PGAP1: variants seen among roughly 807,000 people sequenced by gnomAD.
The protein encoded by PGAP1 is post-GPI attachment to proteins inositol deacylase 1.
In PGAP1, 76 loss-of-function variants were observed where a neutral mutation model predicts 127.0. The ratio of observed to expected loss-of-function variants is 0.60; its 90% CI spans 0.50 to 0.72. The LOEUF is 0.72. Ranked by LOEUF, PGAP1 falls within the 30% of genes least tolerant of loss-of-function variation. The pLI is 0.00. For missense variants in PGAP1, 982 were observed against 1,071.3 expected (o/e 0.92, Z 1.16); for synonymous variants, 362 against 366.5 (o/e 0.99, Z 0.14).
At position 196,845,888 on chromosome 2, in the gene PGAP1, C is replaced by A. The variant is rs771141981; in HGVS notation, c.2280G>T (p.Val760=). The change falls in exon 23 of 27, where the codon GTG becomes GTT. Residue 760 remains valine (V), a synonymous_variant. Transcript: ENST00000354764. Reference sequence around the variant, plus strand: ...CTTTACTGATTTGACATACCTTAAACACATAGTAAAGATAAGAAAGAAGTA... The same window carrying A: ...CTTTACTGATTTGACATACCTTAAAAACATAGTAAAGATAAGAAAGAAGTA... ...LAILLSYLYY[V]FKVVHLQASL... is the part of the protein sequence containing the mutation. The A allele has an allele frequency of 6.2e-7, 1 of 1,605,216 alleles. No homozygotes were observed. The highest frequency in any genetic ancestry group is 8.5e-7 in the Non-Finnish European group (1 of 1,175,002).
chr2:196,893,813 T>C (rs1322313447), intron 7 of PGAP1, among the ~76,000 whole-genome samples: 1 of 152,228 alleles, frequency 6.6e-6, no homozygotes, highest in Non-Finnish European at 1.5e-5. Flanking sequence ...AATAAAAAGT[T>C]GGCAACTTTA....
chr2:196,916,118 G>T (rs1702999006), intron 3 of PGAP1, among the ~76,000 whole-genome samples: 1 of 152,118 alleles, frequency 6.6e-6, no homozygotes, highest in South Asian at 2.1e-4. Flanking sequence ...CAGTTACTTA[G>T]TCATAGCTAG....
chr2:196,872,532 T>G lies in PGAP1; in HGVS notation c.1637A>C (p.Glu546Ala), dbSNP rs745546693. 2 of 1,611,754 alleles carry G rather than the reference T, an allele frequency of 1.2e-6. No individual in the cohort carries two copies. Among genetic ancestry groups the G allele is most frequent in the Admixed American group, 3.3e-5 (2 of 59,994 alleles). Residue 546 changes from glutamate (E) to alanine (A), a missense_variant, in exon 18 of 27, where the codon GAA becomes GCA. By Grantham distance (107) the Glu-to-Ala change is moderately radical. Coordinates refer to ENST00000354764, the MANE Select transcript of PGAP1 (RefSeq NM_024989.4). ...LTIAQAPSST[E>A]ISLKLHIAQP... The stretch of plus-strand genomic sequence containing the variant: ...AGCAATATGGAGTTTCAGAGAAATT[T>G]CTGTGGAAGATGGAGCCCTGAAGAG...
intron 13 of PGAP1, among the ~76,000 whole-genome samples, chr2:196,878,103 C>G (rs1052282748): frequency 6.6e-6 from 1 of 152,046 alleles, no homozygotes; most frequent in African/African-American, 2.4e-5. Context: ...TTCTTACCCA[C>G]TAATTCTATC....
Position 196,835,795 on chromosome 2 carries a change from G to T in PGAP1, c.*5439C>A, listed in dbSNP as rs1035387188. 1 of 152,342 alleles carries T rather than the reference G, an allele frequency of 6.6e-6. No individual in the cohort carries two copies. Among genetic ancestry groups the T allele is most frequent in the African/African-American group, 2.4e-5 (1 of 41,412 alleles). 9.4% of individuals were successfully genotyped at this position (152,342 alleles called of 1,614,324 possible). ...CCAATGCACAGCTTTATGCTAAAGA[G>T]AATTCAAATGTGTCTCTTTTTTTTG... On this transcript the variant is annotated 3_prime_UTR_variant, in exon 27 of 27. Coordinates refer to ENST00000354764, the MANE Select transcript of PGAP1 (RefSeq NM_024989.4).
At chr2:196,854,460 T>C (rs4402783) in intron 20 of PGAP1, among the ~76,000 whole-genome samples, 15,594 of 152,260 alleles carry the variant, frequency 0.1, 961 homozygotes, top group African/African-American at 0.17. Flanking sequence ...TTTGGCTATG[T>C]TAAATCTTCT....
chr2:196,837,261 G>A lies in PGAP1; in HGVS notation c.*3973C>T, dbSNP rs1700263368. The A allele has an allele frequency of 6.6e-6, 1 of 152,060 alleles. No homozygotes were observed. Among genetic ancestry groups the A allele is most frequent in the African/African-American group, 2.4e-5 (1 of 41,392 alleles). 9.4% of individuals were successfully genotyped at this position (152,060 alleles called of 1,614,324 possible). A position where few individuals can be genotyped will look rare whatever the true frequency, so the allele number is the denominator to read the frequency against. ...ATTTTACCACCTTTTATTTCCCTTG[G>A]CCACAAAGGGTGCTAATAAACAGCA... On this transcript the variant is annotated 3_prime_UTR_variant, in exon 27 of 27. Coordinates refer to ENST00000354764, the MANE Select transcript of PGAP1 (RefSeq NM_024989.4).
chr2:196,857,137 C>T (rs570347558), intron 20 of PGAP1, among the ~76,000 whole-genome samples: 1 of 152,258 alleles, frequency 6.6e-6, no homozygotes, highest in Non-Finnish European at 1.5e-5. Flanking sequence ...GACTCTATAC[C>T]TAGAAAACCC....
chr2:196,881,174 T>G (rs1335765150), intron 12 of PGAP1, among the ~76,000 whole-genome samples: 2 of 152,206 alleles, frequency 1.3e-5, no homozygotes. Context: ...TCCAGTTCCA[T>G]CCATGTTACT....
intron 1 of PGAP1, among the ~76,000 whole-genome samples, chr2:196,923,965 G>A (rs115650745): frequency 3.9e-4 from 60 of 152,304 alleles, no homozygotes; most frequent in Admixed American, 1.8e-3. Flanking sequence ...CCTTGCTGTC[G>A]TAATAGGGCA....
Position 196,875,830 on chromosome 2 carries a change from TA to T in PGAP1, c.1351-10del, listed in dbSNP as rs771142011. On this transcript the variant is annotated splice_polypyrimidine_tract_variant and intron_variant, in intron 13 of 26. Transcript: ENST00000354764. The stretch of plus-strand genomic sequence containing the variant: ...TCACAATCTACAACAAACTGAAATA[TA>T]AAACATTGATTTATTAGAAAAAGTA... 2 of 1,317,132 alleles carry T rather than the reference TA, an allele frequency of 1.5e-6. No homozygotes were observed. Among genetic ancestry groups the T allele is most frequent in the Non-Finnish European group, 2.2e-6 (2 of 923,058 alleles). The allele number at this position is 1,317,132 out of a possible 1,614,324, so 81.6% of individuals were successfully genotyped here. A position where few individuals can be genotyped will look rare whatever the true frequency, so the allele number is the denominator to read the frequency against.
intron 20 of PGAP1, among the ~76,000 whole-genome samples, chr2:196,863,875 C>A (rs1032236882): frequency 3.3e-5 from 5 of 151,758 alleles, no homozygotes; most frequent in Non-Finnish European, 5.9e-5. Context: ...CAGTGCCCTG[C>A]CAGGATGACT....
At chr2:196,853,700 A>C (rs1700787378) in intron 20 of PGAP1, among the ~76,000 whole-genome samples, 1 of 152,178 alleles carries the variant, frequency 6.6e-6, no homozygotes. Context: ...TTATAGGATA[A>C]TTTCCTGTGT....
At chr2:196,899,798 C>G (rs984088131) in intron 5 of PGAP1, among the ~76,000 whole-genome samples, 2 of 152,062 alleles carry the variant, frequency 1.3e-5, no homozygotes, top group African/African-American at 4.8e-5. Context: ...CTGTGGGAGG[C>G]CGAGGCGGGT....
At chr2:196,904,512 C>T (rs955697807) in intron 4 of PGAP1, among the ~76,000 whole-genome samples, 6 of 152,104 alleles carry the variant, frequency 3.9e-5, no homozygotes, top group East Asian at 1.9e-4. Flanking sequence ...CCGAGGCGGG[C>T]GGATCATGAG....
intron 12 of PGAP1, among the ~76,000 whole-genome samples, chr2:196,883,716 T>C (rs1436093096): frequency 6.6e-6 from 1 of 152,238 alleles, no homozygotes; most frequent in Non-Finnish European, 1.5e-5. Flanking sequence ...ACATTACTTT[T>C]ATTGAGATAT....
intron 12 of PGAP1, among the ~76,000 whole-genome samples, chr2:196,883,961 A>G (rs536350038): frequency 6.6e-6 from 1 of 152,170 alleles, no homozygotes; most frequent in Non-Finnish European, 1.5e-5. Flanking sequence ...AGGCAGCTGA[A>G]ATAGCTTGTT....
At chr2:196,923,442 A>G (rs1470548004) in intron 1 of PGAP1, among the ~76,000 whole-genome samples, 1 of 152,180 alleles carries the variant, frequency 6.6e-6, no homozygotes, top group Non-Finnish European at 1.5e-5. Context: ...TTGTGAAATT[A>G]TAAAACTCAG....
At chr2:196,872,126 ACCT>A (rs1454360193) in intron 18 of PGAP1, among the ~76,000 whole-genome samples, 1 of 152,060 alleles carries the variant, frequency 6.6e-6, no homozygotes, top group East Asian at 1.9e-4. Context: ...ATGTCAGCTG[ACCT>A]CATGATGTTC....
Sources: allele counts gnomAD v4.1 joint callset (sites outside exome capture counted in the v4.1 genomes callset), GRCh38; gene constraint gnomAD v4.1.1; transcripts MANE v1.5; gene names NCBI Gene and HGNC (gene_info 2026-07-23, HGNC 2026-07-21).